DPYD: variants seen among roughly 807,000 people sequenced by gnomAD.
DPYD encodes the protein dihydropyrimidine dehydrogenase [NADP(+)].
Under a neutral mutation model 116.2 loss-of-function variants are expected in DPYD, and 109 were observed. The ratio of observed to expected loss-of-function variants is 0.94; its 90% CI spans 0.80 to 1.10. DPYD has a LOEUF of 1.10. Among genes scored for constraint, DPYD ranks in the 50% least tolerant of loss-of-function variants. The pLI, the probability that DPYD is intolerant of heterozygous loss-of-function variation, is 0.00. For missense variants in DPYD, 1,302 were observed against 1,254.5 expected (o/e 1.04, Z -0.57); for synonymous variants, 440 against 432.0 (o/e 1.02, Z -0.23).
At chr1:97,122,030 GA>G (rs1335023965) in intron 20 of DPYD, among the ~76,000 whole-genome samples, 3 of 152,114 alleles carry the variant, frequency 2.0e-5, no homozygotes, top group Non-Finnish European at 4.4e-5. Flanking sequence ...CAAGATTCTT[GA>G]ATCTTGAAGG....
chr1:97,681,257 G>C (rs1362845997), intron 7 of DPYD, among the ~76,000 whole-genome samples: 1 of 152,096 alleles, frequency 6.6e-6, no homozygotes, highest in Non-Finnish European at 1.5e-5. Flanking sequence ...TGTGCCTCTT[G>C]AGGTTAGAGG....
intron 5 of DPYD, among the ~76,000 whole-genome samples, chr1:97,717,105 T>G (rs1260883976): frequency 1.3e-5 from 2 of 152,000 alleles, no homozygotes; most frequent in Non-Finnish European, 2.9e-5. Flanking sequence ...CAATTCCAGA[T>G]AGTTAATGGG....
chr1:97,141,018 T>C (rs535839195), intron 20 of DPYD, among the ~76,000 whole-genome samples: 7 of 152,278 alleles, frequency 4.6e-5, no homozygotes, highest in African/African-American at 1.4e-4. Context: ...CTAATAGATC[T>C]GTAAACATGA....
intron 20 of DPYD, among the ~76,000 whole-genome samples, chr1:97,163,058 G>C: frequency 1.3e-5 from 2 of 148,736 alleles, no homozygotes; most frequent in Admixed American, 6.8e-5. Context: ...TACCATTCAG[G>C]ACATAGGCAT....
chr1:97,307,119 A>G (rs1667219847), intron 16 of DPYD, among the ~76,000 whole-genome samples: 1 of 151,896 alleles, frequency 6.6e-6, no homozygotes, highest in South Asian at 2.1e-4. Flanking sequence ...CAGTACAGTA[A>G]TGTTCTTTGA....
At chr1:97,316,756 G>A (rs973524941) in intron 16 of DPYD, among the ~76,000 whole-genome samples, 1 of 151,500 alleles carries the variant, frequency 6.6e-6, no homozygotes, top group Non-Finnish European at 1.5e-5. Context: ...CTTCTTTCTG[G>A]ATTGGATCCC....
At chr1:97,668,341 T>C (rs1659674350) in intron 8 of DPYD, among the ~76,000 whole-genome samples, 1 of 152,128 alleles carries the variant, frequency 6.6e-6, no homozygotes, top group African/African-American at 2.4e-5. Flanking sequence ...GGTTACTTAA[T>C]ATCTGTTAGA....
chr1:97,621,840 C>T (rs971137215), intron 8 of DPYD, among the ~76,000 whole-genome samples: 3 of 151,822 alleles, frequency 2.0e-5, no homozygotes, highest in African/African-American at 7.2e-5. Flanking sequence ...TGCACATACA[C>T]ACATACACAC....
intron 5 of DPYD, among the ~76,000 whole-genome samples, chr1:97,717,287 T>C (rs1200382815): frequency 6.6e-6 from 1 of 151,974 alleles, no homozygotes; most frequent in Non-Finnish European, 1.5e-5. Flanking sequence ...TTTAGAAACC[T>C]GCTGAGAGAC....
chr1:97,686,493 C>T (rs569204496), intron 7 of DPYD, among the ~76,000 whole-genome samples: 4 of 151,288 alleles, frequency 2.6e-5, no homozygotes, highest in African/African-American at 7.3e-5. Context: ...AAAAATTAGC[C>T]GGGCGTGGTA....
chr1:97,173,338 A>G lies in DPYD; in HGVS notation c.2622+19731T>C, dbSNP rs114510282. On this transcript the variant is annotated intron_variant, in intron 20 of 22. Coordinates refer to ENST00000370192, the MANE Select transcript of DPYD (RefSeq NM_000110.4). ...CACACATATATACACATATATGTGT[A>G]TATATGCACACATATATGTACATAT... 6.4e-3 allele frequency among the ~76,000 whole-genome samples: 965 copies of G among 150,726 alleles called. 13 individuals carry two copies. The highest frequency in any genetic ancestry group is 0.022 in the African/African-American group (923 of 41,108).
chr1:97,891,419 G>A (rs1384459761), intron 1 of DPYD, among the ~76,000 whole-genome samples: 2 of 7,290 alleles, frequency 2.7e-4, no homozygotes, highest in Non-Finnish European at 6.5e-3. Context: ...TATTCCAGAC[G>A]CAGAAAAAAA....
At chr1:97,152,258 T>A (rs995059239) in intron 20 of DPYD, among the ~76,000 whole-genome samples, 11 of 152,204 alleles carry the variant, frequency 7.2e-5, no homozygotes, top group African/African-American at 2.7e-4. Flanking sequence ...TATTTCCTGG[T>A]TTAAACCATA....
chr1:97,194,078 T>C (rs976109987), intron 19 of DPYD, among the ~76,000 whole-genome samples: 1 of 152,250 alleles, frequency 6.6e-6, no homozygotes, highest in Non-Finnish European at 1.5e-5. Flanking sequence ...TTTTGGTCAC[T>C]ATATTATCTG....
At chr1:97,774,890 A>G (rs898857154) in intron 3 of DPYD, 1 of 247,798 alleles carries the variant, frequency 4.0e-6, no homozygotes, top group Non-Finnish European at 8.8e-6. Context: ...CATACAAGGG[A>G]AAAACCTTTT....
In DPYD at chr1:97,134,012, AAAATATATATATATATATAT is replaced by A. The variant is rs1175978519; in HGVS notation, c.2623-35400_2623-35381del. Among the ~76,000 whole-genome samples the A allele has an allele frequency of 7.4e-4, 36 of 48,844 alleles. 6 individuals carry two copies. The highest frequency in any genetic ancestry group is 1.4e-3 in the African/African-American group (16 of 11,074). The allele number at this position is 48,844 out of a possible 152,430, so 32.0% of individuals were successfully genotyped here. A position where few individuals can be genotyped will look rare whatever the true frequency, so the allele number is the denominator to read the frequency against. ...AGACTCTGTTTCAAAAAAAAAAAAAAAAATATATATATATATATATATATATATATATATATATATATATA... is the reference window on the plus strand; with the variant it reads ...AGACTCTGTTTCAAAAAAAAAAAAAAATATATATATATATATATATATATA... On this transcript the variant is annotated intron_variant, in intron 20 of 22. Transcript: ENST00000370192.
chr1:97,136,761 T>A (rs1272987594), intron 20 of DPYD, among the ~76,000 whole-genome samples: 2 of 152,146 alleles, frequency 1.3e-5, no homozygotes, highest in African/African-American at 4.8e-5. Flanking sequence ...TGCCATTAAA[T>A]GACACCTTTA....
intron 2 of DPYD, among the ~76,000 whole-genome samples, chr1:97,868,860 T>C (rs1270060989): frequency 6.6e-6 from 1 of 151,822 alleles, no homozygotes; most frequent in Non-Finnish European, 1.5e-5. Flanking sequence ...ACTGTGCTCC[T>C]TAGGATTTTT....
At chr1:97,597,097 G>C (rs1463425584) in intron 8 of DPYD, among the ~76,000 whole-genome samples, 2 of 152,200 alleles carry the variant, frequency 1.3e-5, no homozygotes, top group Admixed American at 6.5e-5. Flanking sequence ...AGCTGAATAT[G>C]TTCTTGAAGG....
Sources: allele counts gnomAD v4.1 joint callset (sites outside exome capture counted in the v4.1 genomes callset), GRCh38; gene constraint gnomAD v4.1.1; transcripts MANE v1.5; gene names NCBI Gene and HGNC (gene_info 2026-07-23, HGNC 2026-07-21).